The following RARS2 variants were observed in gnomAD, a reference collection of about 807,000 sequenced individuals.
RARS2 encodes probable arginine--tRNA ligase, mitochondrial.
Under a neutral mutation model 88.5 loss-of-function variants are expected in RARS2, and 67 were observed. That is an observed-to-expected ratio of 0.76 (90% confidence interval 0.62 to 0.93). RARS2 has a LOEUF of 0.93. Among genes scored for constraint, RARS2 ranks in the 40% least tolerant of loss-of-function variants. RARS2 has a pLI of 0.00. For synonymous variants in RARS2, 239 were observed against 230.3 expected, an observed-to-expected ratio of 1.04 and a Z score of -0.34; for missense variants, 664 against 684.2, an observed-to-expected ratio of 0.97 and a Z score of 0.33.
chr6:87,565,062 A>T (rs188280993), intron 2 of RARS2, among the ~76,000 whole-genome samples: 30 of 152,296 alleles, frequency 2.0e-4, no homozygotes, highest in Non-Finnish European at 3.8e-4. Flanking sequence ...AGTCTCAAAA[A>T]ATTCTTCCTC....
intron 10 of RARS2, among the ~76,000 whole-genome samples, chr6:87,529,162 T>G (rs2128055778): frequency 1.3e-5 from 2 of 152,322 alleles, no homozygotes; most frequent in South Asian, 4.1e-4. Context: ...ATACTTATCT[T>G]CACACACTGC....
At chr6:87,575,248 CACACACACACACACACACACACACACACA>C (rs1771068633) in intron 1 of RARS2, among the ~76,000 whole-genome samples, 1 of 145,058 alleles carries the variant, frequency 6.9e-6, no homozygotes, top group African/African-American at 2.8e-5. Context: ...CACACACACA[CACACACACACACACACACACACACACACA>C]CCTTGGCTTC....
At chr6:87,571,349 A>C (rs1271157219) in intron 1 of RARS2, among the ~76,000 whole-genome samples, 1 of 152,202 alleles carries the variant, frequency 6.6e-6, no homozygotes, top group Non-Finnish European at 1.5e-5. Flanking sequence ...GCCATGCTGA[A>C]CTGTGAGTCA....
intron 6 of RARS2, among the ~76,000 whole-genome samples, chr6:87,547,696 T>C (rs1004243002): frequency 6.6e-6 from 1 of 151,958 alleles, no homozygotes; most frequent in Non-Finnish European, 1.5e-5. Context: ...CAGGCTGTAG[T>C]GCAGTGGTGC....
chr6:87,572,715 C>T (rs369828206), intron 1 of RARS2, among the ~76,000 whole-genome samples: 2 of 152,096 alleles, frequency 1.3e-5, no homozygotes, highest in Non-Finnish European at 2.9e-5. Flanking sequence ...CAAGGAACTG[C>T]GCCACCATGG....
intron 18 of RARS2, 23 bp downstream of exon 18, chr6:87,516,783 A>T: frequency 6.2e-7 from 1 of 1,612,350 alleles, no homozygotes; most frequent in South Asian, 1.1e-5. Flanking sequence ...TTAACACCTG[A>T]AAACAGGAAG....
At chr6:87,559,523 AGTACAGCAGTGTGATCCT>A (rs1270530383) in intron 4 of RARS2, among the ~76,000 whole-genome samples, 8 of 149,768 alleles carry the variant, frequency 5.3e-5, no homozygotes, top group South Asian at 2.1e-4. Context: ...CCCAGGCTGG[AGTACAGCAGTGTGATCCT>A]GTACAGCAGT....
At chr6:87,517,728 G>A (rs568944606) in intron 17 of RARS2, among the ~76,000 whole-genome samples, 1 of 152,174 alleles carries the variant, frequency 6.6e-6, no homozygotes, top group African/African-American at 2.4e-5. Context: ...CCTAGCATGG[G>A]AGCATCACAT....
At chr6:87,572,287 A>T (rs923618081) in intron 1 of RARS2, among the ~76,000 whole-genome samples, 1 of 152,200 alleles carries the variant, frequency 6.6e-6, no homozygotes, top group African/African-American at 2.4e-5. Context: ...ATAAACATGT[A>T]ATAAATATTT....
chr6:87,520,071 A>C, intron 13 of RARS2, 109 bp downstream of exon 13: 1 of 928,132 alleles, frequency 1.1e-6, no homozygotes, highest in Admixed American at 1.7e-5. Context: ...TTTCCACACC[A>C]GTATCTTGAA....
chr6:87,566,225 C>T (rs1200148961), intron 2 of RARS2, among the ~76,000 whole-genome samples: 1 of 151,984 alleles, frequency 6.6e-6, no homozygotes, highest in African/African-American at 2.4e-5. Context: ...TTGCTAAAAG[C>T]GATATTCATT....
intron 5 of RARS2, among the ~76,000 whole-genome samples, chr6:87,553,813 A>G (rs777659158): frequency 3.9e-5 from 6 of 152,216 alleles, no homozygotes; most frequent in Non-Finnish European, 7.3e-5. Context: ...TTTAAAAATC[A>G]TAATTGTGGT....
At chr6:87,533,657 T>G (rs1468852961) in intron 8 of RARS2, among the ~76,000 whole-genome samples, 1 of 152,196 alleles carries the variant, frequency 6.6e-6, no homozygotes, top group Admixed American at 6.5e-5. Context: ...TGTCTCAGAC[T>G]TCCTTAAAAA....
At chr6:87,560,968 A>G (rs35504787) in intron 4 of RARS2, among the ~76,000 whole-genome samples, 10,955 of 152,322 alleles carry the variant, frequency 0.072, 548 homozygotes, top group African/African-American at 0.15. Flanking sequence ...CCAGTTGTAT[A>G]AAAGTATAGC....
intron 1 of RARS2, among the ~76,000 whole-genome samples, chr6:87,586,777 C>T (rs760103291): frequency 6.6e-6 from 1 of 152,088 alleles, no homozygotes; most frequent in Non-Finnish European, 1.5e-5. Context: ...GGCTGGGTAT[C>T]CTTGGGACCA....
chr6:87,537,871 G>A (rs1336397745), intron 8 of RARS2, among the ~76,000 whole-genome samples: 3 of 152,124 alleles, frequency 2.0e-5, no homozygotes. Flanking sequence ...CCTTTCTGGT[G>A]ACCAGAAATA....
In RARS2 at chr6:87,562,746, G is replaced by C. The variant is rs1788219551; in HGVS notation, c.253C>G (p.Gln85Glu). Residue 85 changes from glutamine to glutamate, a missense_variant, in exon 4 of 20, where the codon CAA (glutamine) becomes GAA (glutamate). Physicochemically the swap from Gln to Glu is conservative, Grantham distance 29. Coordinates refer to ENST00000369536, the MANE Select transcript of RARS2 (RefSeq NM_020320.5). ...TTTATTTTGAAATTTACAGTCCTTT[G>C]ACCAGTACTGATTTCACTCACCACT... is the stretch of plus-strand genomic sequence containing the variant. The part of the protein sequence containing the change: ...DTVVSEISTG[Q>E]RTVNFKINRE... 5 of 1,613,476 alleles carry C rather than the reference G, an allele frequency of 3.1e-6. No homozygotes were observed. The East Asian group carries it at 1.1e-4, about 36-fold the overall frequency.
chr6:87,534,367 T>G (rs1024542004), intron 8 of RARS2, among the ~76,000 whole-genome samples: 6 of 152,196 alleles, frequency 3.9e-5, no homozygotes, highest in South Asian at 4.1e-4. Flanking sequence ...AATCTCCTAC[T>G]TTTACTCTAT....
intron 15 of RARS2, 33 bp downstream of exon 15, chr6:87,518,791 A>C: frequency 6.2e-7 from 1 of 1,612,848 alleles, no homozygotes; most frequent in Non-Finnish European, 8.5e-7. Context: ...AGTACCAAAC[A>C]AAAGGGCCTC....
Sources: gnomAD v4.1 joint callset for allele counts (sites outside exome capture counted in the v4.1 genomes callset) on GRCh38, gnomAD v4.1.1 for gene constraint, MANE v1.5 for transcripts, NCBI Gene and HGNC (gene_info 2026-07-23, HGNC 2026-07-21) for gene names.